RPL22: variants seen among roughly 807,000 people sequenced by gnomAD.
The protein encoded by RPL22 is large ribosomal subunit protein eL22.
A neutral mutation model predicts 16.2 loss-of-function variants in RPL22; 4 were observed. The observed-to-expected ratio is 0.25, with a 90% confidence interval of 0.12 to 0.57. RPL22 has a LOEUF of 0.57. Among genes scored for constraint, RPL22 ranks in the 20% least tolerant of loss-of-function variants. The probability of loss-of-function intolerance (pLI) is 0.92; values close to 1 mark genes in which losing one functional copy is unlikely to be tolerated. For missense variants in RPL22, 83 were observed against 156.1 expected (o/e 0.53, Z 2.49); for synonymous variants, 43 against 54.8 (o/e 0.78, Z 0.95).
chr1:6,190,910 G>C (rs962487698), intron 3 of RPL22, among the ~76,000 whole-genome samples: 1 of 152,144 alleles, frequency 6.6e-6, no homozygotes, highest in Non-Finnish European at 1.5e-5. Flanking sequence ...ACTTACAAGG[G>C]AAACAACTGG....
At chr1:6,198,066 T>G in intron 1 of RPL22, 1 of 304,710 alleles carries the variant, frequency 3.3e-6, no homozygotes, top group Non-Finnish European at 6.1e-6. Flanking sequence ...TCTTAGTTTA[T>G]GAACCACAAT....
At chr1:6,198,119 C>CA (rs1667745586) in intron 1 of RPL22, 1 of 224,106 alleles carries the variant, frequency 4.5e-6, no homozygotes, top group Non-Finnish European at 8.9e-6. Context: ...TTCCCAATTT[C>CA]AAAAAAATAC....
intron 3 of RPL22, among the ~76,000 whole-genome samples, chr1:6,188,415 C>T (rs976999644): frequency 6.6e-6 from 1 of 152,070 alleles, no homozygotes. Flanking sequence ...AAGGGCTGGG[C>T]ACAGTGGCTC....
chr1:6,194,898 G>C (rs573738135), intron 2 of RPL22, among the ~76,000 whole-genome samples: 11 of 152,110 alleles, frequency 7.2e-5, no homozygotes, highest in Non-Finnish European at 1.5e-4. Flanking sequence ...TAAAAATTTG[G>C]GAGACTGAGG....
intron 2 of RPL22, among the ~76,000 whole-genome samples, chr1:6,196,041 C>A (rs1464192724): frequency 6.6e-6 from 1 of 152,054 alleles, no homozygotes; most frequent in African/African-American, 2.4e-5. Context: ...CCAGCCTGGG[C>A]AACAAGAGCA....
intron 3 of RPL22, 114 bp downstream of exon 3, chr1:6,192,816 C>T: frequency 7.7e-7 from 1 of 1,294,576 alleles, no homozygotes; most frequent in African/African-American, 1.5e-5. Context: ...AGCATAGTTC[C>T]AGAAATTAAC....
intron 3 of RPL22, 142 bp from the exon 4 acceptor site, chr1:6,186,958 A>G: frequency 1.7e-6 from 2 of 1,182,894 alleles, no homozygotes; most frequent in Non-Finnish European, 2.4e-6. Flanking sequence ...AGGTAAGGCA[A>G]ATACACCCAG....
intron 3 of RPL22, among the ~76,000 whole-genome samples, chr1:6,187,680 A>G (rs934626930): frequency 5.9e-5 from 9 of 152,114 alleles, no homozygotes; most frequent in African/African-American, 1.9e-4. Context: ...CCAGTTGTCC[A>G]TGAAAATGCA....
chr1:6,196,448 G>A (rs1349252613), intron 2 of RPL22, among the ~76,000 whole-genome samples: 1 of 152,198 alleles, frequency 6.6e-6, no homozygotes, highest in Non-Finnish European at 1.5e-5. Flanking sequence ...TAAACTATAA[G>A]AGGTTACCTA....
At chr1:6,197,174 T>G (rs1289157913) in intron 2 of RPL22, among the ~76,000 whole-genome samples, 1 of 152,120 alleles carries the variant, frequency 6.6e-6, no homozygotes, top group Admixed American at 6.5e-5. Flanking sequence ...GGATTACAGG[T>G]GCACACCACC....
At chr1:6,197,513 C>A (rs553203365) in intron 2 of RPL22, 139 bp downstream of exon 2, 3 of 622,318 alleles carry the variant, frequency 4.8e-6, no homozygotes, top group African/African-American at 1.8e-5. Context: ...AATCTGCCCA[C>A]ATTCCCAGGG....
intron 2 of RPL22, among the ~76,000 whole-genome samples, chr1:6,197,078 G>A (rs1667729604): frequency 6.6e-6 from 1 of 152,216 alleles, no homozygotes; most frequent in Non-Finnish European, 1.5e-5. Flanking sequence ...CTCCCAGGAT[G>A]GAGTGCAATG....
chr1:6,186,281 C>T lies in RPL22; in HGVS notation c.*391G>A, dbSNP rs1473364869. 3 of 247,398 alleles carry T rather than the reference C, an allele frequency of 1.2e-5. No homozygotes were observed. Among genetic ancestry groups the T allele is most frequent in the African/African-American group, 2.2e-5 (1 of 45,718 alleles). The allele number at this position is 247,398 out of a possible 1,614,324, so 15.3% of individuals were successfully genotyped here. A position where few individuals can be genotyped will look rare whatever the true frequency, so the allele number is the denominator to read the frequency against. On this transcript the variant is annotated 3_prime_UTR_variant, in exon 4 of 4. Transcript: ENST00000234875. ...CACAGAGAATCTTAGAAAGATGTCG[C>T]GTTTTCTTTTAATGAATGAGAGAAG...
chr1:6,198,959 A>AG (rs879757481), intron 1 of RPL22: 4 of 152,304 alleles, frequency 2.6e-5, no homozygotes, highest in Admixed American at 6.5e-5. Flanking sequence ...ACCTAGGAGG[A>AG]GGGCGCCGCA....
In RPL22 at chr1:6,199,487, C is replaced by A. The variant is rs977063236; in HGVS notation, c.12+75G>T. On this transcript the variant is annotated intron_variant, in intron 1 of 3. Transcript: ENST00000234875. ...GCTGCAGGGCGCCGTCCCCAGCGAG[C>A]CTGGGTAGATGCCGGGCTCGGCGAG... 31 of 1,538,786 alleles carry A rather than the reference C, an allele frequency of 2.0e-5. No homozygotes were observed. In the African/African-American group the frequency reaches 3.7e-4, roughly 18 times the overall value.
intron 3 of RPL22, among the ~76,000 whole-genome samples, chr1:6,191,405 C>T (rs1273027264): frequency 3.0e-4 from 43 of 141,710 alleles, no homozygotes; most frequent in African/African-American, 1.0e-3. Context: ...CAGTGGCTCA[C>T]GCCTGTAATC....
Position 6,185,217 on chromosome 1 carries a change from G to T in RPL22, c.*1455C>A. 2.5e-6 allele frequency: 1 copy of T among 397,736 alleles called. No homozygotes were observed. Among genetic ancestry groups the T allele is most frequent in the South Asian group, 1.3e-4 (1 of 7,518 alleles). The allele number at this position is 397,736 out of a possible 1,614,324, so 24.6% of individuals were successfully genotyped here. Reference sequence around the variant, plus strand: ...GTTTTTTCACAACCAAACTAAAAATGACTTACTACATGGGAACATCAATGC... The same window carrying T: ...GTTTTTTCACAACCAAACTAAAAATTACTTACTACATGGGAACATCAATGC... On this transcript the variant is annotated 3_prime_UTR_variant, in exon 4 of 4. Coordinates refer to ENST00000234875, the MANE Select transcript of RPL22 (RefSeq NM_000983.4).
chr1:6,192,526 C>T (rs958626664), intron 3 of RPL22, among the ~76,000 whole-genome samples: 17 of 152,070 alleles, frequency 1.1e-4, no homozygotes, highest in African/African-American at 3.6e-4. Flanking sequence ...GGTGAAACCC[C>T]CGTTTCTACT....
chr1:6,185,575 C>G lies in RPL22; in HGVS notation c.*1097G>C. 1 of 392,930 alleles carries G rather than the reference C, an allele frequency of 2.5e-6. No individual in the cohort carries two copies. The highest frequency in any genetic ancestry group is 4.5e-6 in the Non-Finnish European group (1 of 222,872). The allele number at this position is 392,930 out of a possible 1,614,324, so 24.3% of individuals were successfully genotyped here. A position where few individuals can be genotyped will look rare whatever the true frequency, so the allele number is the denominator to read the frequency against. On this transcript the variant is annotated 3_prime_UTR_variant, in exon 4 of 4. Coordinates refer to ENST00000234875, the MANE Select transcript of RPL22 (RefSeq NM_000983.4). Reference sequence around the variant, plus strand: ...GCACAATTTCAAGTGTGGAAACCATCTGTAGGCAAGCTCTTTTAAAAACAT... The same window carrying G: ...GCACAATTTCAAGTGTGGAAACCATGTGTAGGCAAGCTCTTTTAAAAACAT...
Sources: allele counts gnomAD v4.1 joint callset (sites outside exome capture counted in the v4.1 genomes callset), GRCh38; gene constraint gnomAD v4.1.1; transcripts MANE v1.5; gene names NCBI Gene and HGNC (gene_info 2026-07-23, HGNC 2026-07-21).